The following STK17B variants were observed in gnomAD, a reference collection of about 807,000 sequenced individuals.
The protein encoded by STK17B is serine/threonine-protein kinase 17B.
In STK17B, 21 loss-of-function variants were observed where a neutral mutation model predicts 42.0. That is an observed-to-expected ratio of 0.50 (90% CI 0.35 to 0.72). STK17B has a LOEUF of 0.72. STK17B is among the 30% of genes least tolerant of loss of function. STK17B has a pLI of 0.00. For synonymous variants in STK17B, 143 were observed against 148.4 expected, an observed-to-expected ratio of 0.96 and a Z score of 0.26; for missense variants, 349 against 446.0, an observed-to-expected ratio of 0.78 and a Z score of 1.96.
chr2:196,142,977 C>T (rs1434587268), intron 5 of STK17B, among the ~76,000 whole-genome samples: 1 of 152,212 alleles, frequency 6.6e-6, no homozygotes, highest in African/African-American at 2.4e-5. Context: ...GTTGATTTCA[C>T]ACAATATGCC....
chr2:196,140,577 CTTTTTTTTTTT>C (rs58205758), intron 6 of STK17B, among the ~76,000 whole-genome samples: 3 of 101,478 alleles, frequency 3.0e-5, no homozygotes, highest in East Asian at 3.0e-4. Flanking sequence ...CTTCTTCTAG[CTTTTTTTTTTT>C]TTTTTTTTTT....
upstream of STK17B, among the ~76,000 whole-genome samples, chr2:196,175,172 T>G (rs988390948): frequency 1.3e-5 from 2 of 150,888 alleles, no homozygotes; most frequent in African/African-American, 2.5e-5. Flanking sequence ...GACATTTTAC[T>G]TCCTTTTTTA....
At chr2:196,145,872 A>G in intron 4 of STK17B, 39 bp downstream of exon 4, 1 of 1,520,556 alleles carries the variant, frequency 6.6e-7, no homozygotes, top group East Asian at 2.3e-5. Flanking sequence ...GCAGAAGAAG[A>G]ACACAGATGT....
upstream of STK17B, chr2:196,174,279 G>A (rs1251526912): frequency 2.6e-5 from 4 of 152,092 alleles, no homozygotes; most frequent in Admixed American, 1.3e-4. Flanking sequence ...GATCCTCTCC[G>A]GTAATGGCAC....
At chr2:196,147,869 C>A (rs1409092995) in intron 3 of STK17B, among the ~76,000 whole-genome samples, 1 of 151,796 alleles carries the variant, frequency 6.6e-6, no homozygotes, top group African/African-American at 2.4e-5. Context: ...GTAGCTGGGA[C>A]TACAGGTGCA....
chr2:196,161,988 C>G (rs533776615), intron 2 of STK17B, among the ~76,000 whole-genome samples: 8 of 152,240 alleles, frequency 5.3e-5, no homozygotes, highest in Non-Finnish European at 7.4e-5. Flanking sequence ...AAAAATCAAT[C>G]ACATTGTTTT....
At chr2:196,149,729 AAAATAAGAATAATTTTT>A (rs1410685311) in intron 3 of STK17B, among the ~76,000 whole-genome samples, 1 of 152,198 alleles carries the variant, frequency 6.6e-6, no homozygotes, top group Non-Finnish European at 1.5e-5. Context: ...CACAGACCAA[AAAATAAGAATAATTTTT>A]AAATACAGGA....
At position 196,145,818 on chromosome 2, in the gene STK17B, C is replaced by T. The variant is rs936416217; in HGVS notation, c.480+93G>A. 2.3e-6 allele frequency: 3 copies of T among 1,278,774 alleles called. No individual in the cohort carries two copies. The Admixed American group carries it at 8.8e-5, about 38-fold the overall frequency. The allele number at this position is 1,278,774 out of a possible 1,614,324, so 79.2% of individuals were successfully genotyped here. On this transcript the variant is annotated intron_variant, in intron 4 of 7. Coordinates refer to ENST00000263955, the MANE Select transcript of STK17B (RefSeq NM_004226.4). ...GCAGTCTAGAAGACCAGGAACCAACCATTGTTTCCTGTTAATACCAGTTTG... is the reference window on the plus strand; with the variant it reads ...GCAGTCTAGAAGACCAGGAACCAACTATTGTTTCCTGTTAATACCAGTTTG...
At position 196,141,276 on chromosome 2, in the gene STK17B, T is replaced by A. The variant is rs770632480; in HGVS notation, c.629A>T (p.Asp210Val). 6.2e-7 allele frequency: 1 copy of A among 1,607,386 alleles called. No homozygotes were observed. The highest frequency in any genetic ancestry group is 8.5e-7 in the Non-Finnish European group (1 of 1,176,556). The change falls in exon 6 of 8, where the codon GAT becomes GTT. Residue 210 changes from aspartate (D) to valine (V), a missense_variant. Asp to Val is a radical substitution (Grantham distance 152). This residue lies in a region of STK17B where 256 missense variants were observed against 347.7 expected (regional missense o/e 0.74). Coordinates refer to ENST00000263955, the MANE Select transcript of STK17B (RefSeq NM_004226.4). ...EYLAPEILNY[D>V]PITTATDMWN... ...CATATCTGTTGCTGTGGTAATGGGA[T>A]CATAGTTCAGGATTTCTGGAGCTGA...
chr2:196,142,949 A>T (rs1575172315), intron 5 of STK17B, among the ~76,000 whole-genome samples: 1 of 152,246 alleles, frequency 6.6e-6, no homozygotes, highest in Admixed American at 6.5e-5. Context: ...AAAACCTTTC[A>T]TATGCATAAT....
intron 5 of STK17B, among the ~76,000 whole-genome samples, chr2:196,142,509 C>T (rs185561734): frequency 6.2e-4 from 94 of 151,614 alleles, no homozygotes; most frequent in Admixed American, 2.6e-3. Flanking sequence ...CATATTATTT[C>T]GAATTAGTAC....
chr2:196,151,004 T>C (rs116851681), intron 3 of STK17B, among the ~76,000 whole-genome samples: 1 of 152,330 alleles, frequency 6.6e-6, no homozygotes, highest in East Asian at 1.9e-4. Context: ...AAAATGTTAT[T>C]TCTCTGGTGA....
chr2:196,171,623 T>A (rs1575191005), upstream of STK17B: 1 of 144,946 alleles, frequency 6.9e-6, no homozygotes, highest in Non-Finnish European at 1.5e-5. Context: ...GCCAGATCCC[T>A]CCCCCTAGGT....
chr2:196,169,068 ATTTTT>A (rs571438990), intron 1 of STK17B, among the ~76,000 whole-genome samples: 1 of 112,686 alleles, frequency 8.9e-6, no homozygotes, highest in Non-Finnish European at 1.8e-5. Context: ...TAGGAATACT[ATTTTT>A]TTTTTTTTTT....
upstream of STK17B, among the ~76,000 whole-genome samples, chr2:196,176,013 A>T (rs2105725114): frequency 6.6e-6 from 1 of 152,330 alleles, no homozygotes; most frequent in East Asian, 1.9e-4. Context: ...ATCCTAAGAT[A>T]TTATTTAAGC....
intron 4 of STK17B, among the ~76,000 whole-genome samples, chr2:196,145,489 C>G: frequency 6.6e-6 from 1 of 151,968 alleles, no homozygotes; most frequent in South Asian, 2.1e-4. Flanking sequence ...CTGAAAACCT[C>G]AAGACAAAAA....
chr2:196,155,211 G>A (rs1440156715), intron 3 of STK17B, among the ~76,000 whole-genome samples: 1 of 152,202 alleles, frequency 6.6e-6, no homozygotes, highest in Non-Finnish European at 1.5e-5. Context: ...TTAAAGGTCA[G>A]CTGAAGAATC....
intron 1 of STK17B, among the ~76,000 whole-genome samples, chr2:196,167,878 A>G (rs945290073): frequency 6.6e-6 from 1 of 152,224 alleles, no homozygotes; most frequent in Non-Finnish European, 1.5e-5. Flanking sequence ...ACTCCTTTCT[A>G]CATAGGCATT....
chr2:196,153,723 A>G (rs917247790), intron 3 of STK17B: 1 of 152,192 alleles, frequency 6.6e-6, no homozygotes, highest in African/African-American at 2.4e-5. Flanking sequence ...CAATGACATT[A>G]TATCAAAAGG....
Sources: gnomAD v4.1 joint callset for allele counts (sites outside exome capture counted in the v4.1 genomes callset) on GRCh38, gnomAD v4.1.1 for gene constraint, gnomAD v4.1.1 regional missense constraint, MANE v1.5 for transcripts, NCBI Gene and HGNC (gene_info 2026-07-23, HGNC 2026-07-21) for gene names.